The following PPP1R12B variants were observed in gnomAD, a reference collection of about 807,000 sequenced individuals.
The protein encoded by PPP1R12B is myosin phosphatase target subunit 2.
A neutral mutation model predicts 126.1 loss-of-function variants in PPP1R12B; 76 were observed. The observed-to-expected ratio is 0.60, with a 90% CI of 0.50 to 0.73. The LOEUF (loss-of-function observed/expected upper bound fraction) is 0.73, where lower values mean the gene tolerates loss of function less well. Among genes scored for constraint, PPP1R12B ranks in the 30% least tolerant of loss-of-function variants. The pLI is 0.00. For synonymous variants in PPP1R12B, 356 were observed against 434.7 expected (o/e 0.82, Z 2.25); for missense variants, 1,052 against 1,205.1 (o/e 0.87, Z 1.88).
chr1:202,375,287 T>A (rs918010665), intron 1 of PPP1R12B, among the ~76,000 whole-genome samples: 1 of 152,240 alleles, frequency 6.6e-6, no homozygotes, highest in African/African-American at 2.4e-5. Context: ...ACCTGAATAT[T>A]TCACACCTTT....
chr1:202,511,702 T>C (rs1241192379), intron 18 of PPP1R12B, among the ~76,000 whole-genome samples: 1 of 152,102 alleles, frequency 6.6e-6, no homozygotes, highest in African/African-American at 2.4e-5. Flanking sequence ...TCCATCCAAT[T>C]TGCTATGAAT....
intron 1 of PPP1R12B, among the ~76,000 whole-genome samples, chr1:202,402,223 A>G (rs998632972): frequency 1.1e-4 from 16 of 152,076 alleles, no homozygotes; most frequent in African/African-American, 3.9e-4. Flanking sequence ...CCTTTTTGCT[A>G]TTCCTGATCT....
At chr1:202,426,706 G>C (rs1214007770) in intron 4 of PPP1R12B, among the ~76,000 whole-genome samples, 3 of 152,160 alleles carry the variant, frequency 2.0e-5, no homozygotes, top group Non-Finnish European at 4.4e-5. Context: ...AATGGAAAAT[G>C]TACCTTTAAC....
chr1:202,545,783 A>G (rs571179551), intron 18 of PPP1R12B, among the ~76,000 whole-genome samples: 17 of 152,360 alleles, frequency 1.1e-4, no homozygotes, highest in Non-Finnish European at 2.4e-4. Flanking sequence ...CTAGATGGAC[A>G]AAGAAGGAAA....
intron 1 of PPP1R12B, among the ~76,000 whole-genome samples, chr1:202,401,457 A>G (rs1272823840): frequency 1.6e-5 from 2 of 127,090 alleles, no homozygotes; most frequent in Non-Finnish European, 3.1e-5. Context: ...CAATTCATTC[A>G]CCTTGGTCTC....
chr1:202,511,771 A>ATT lies in PPP1R12B; in HGVS notation c.2490+14970_2490+14971dup, dbSNP rs772556181. 1.1e-3 allele frequency among the ~76,000 whole-genome samples: 124 copies of ATT among 107,836 alleles called. 1 individual carries two copies. The highest frequency in any genetic ancestry group is 2.5e-3 in the African/African-American group (69 of 28,114). 70.7% of individuals were successfully genotyped at this position (107,836 alleles called of 152,430 possible). A position where few individuals can be genotyped will look rare whatever the true frequency, so the allele number is the denominator to read the frequency against. Reference sequence around the variant, plus strand: ...TATTCCATGATGTATATATACCACAATTTTTTTTTTTTTTTTTTTTTTGAG... The same window carrying ATT: ...TATTCCATGATGTATATATACCACAATTTTTTTTTTTTTTTTTTTTTTTTGAG... On this transcript the variant is annotated intron_variant, in intron 18 of 23. Coordinates refer to ENST00000608999, the MANE Select transcript of PPP1R12B (RefSeq NM_002481.4).
At chr1:202,567,068 T>C (rs1268036592) in intron 21 of PPP1R12B, among the ~76,000 whole-genome samples, 1 of 152,222 alleles carries the variant, frequency 6.6e-6, no homozygotes, top group African/African-American at 2.4e-5. Flanking sequence ...TTTCAGCCCC[T>C]CTGCAAAATT....
chr1:202,443,416 C>A (rs1368426568), intron 12 of PPP1R12B, among the ~76,000 whole-genome samples: 1 of 152,222 alleles, frequency 6.6e-6, no homozygotes, highest in East Asian at 1.9e-4. Context: ...ACTAGATGAA[C>A]ACATTAACTC....
At chr1:202,517,556 CAATT>C (rs1682296714) in intron 18 of PPP1R12B, among the ~76,000 whole-genome samples, 1 of 151,778 alleles carries the variant, frequency 6.6e-6, no homozygotes, top group South Asian at 2.1e-4. Context: ...TCAAAATAGA[CAATT>C]AACATGCATA....
chr1:202,390,936 C>A (rs1664052281), intron 1 of PPP1R12B, among the ~76,000 whole-genome samples: 2 of 152,166 alleles, frequency 1.3e-5, no homozygotes, highest in African/African-American at 4.8e-5. Flanking sequence ...TAGTGGCACA[C>A]ACCTGTAGTC....
intron 18 of PPP1R12B, among the ~76,000 whole-genome samples, chr1:202,538,686 G>A (rs1377915302): frequency 6.6e-6 from 1 of 152,164 alleles, no homozygotes; most frequent in Non-Finnish European, 1.5e-5. Flanking sequence ...AAAACATTTG[G>A]CCTAGAAATT....
chr1:202,484,507 G>A lies in PPP1R12B; in HGVS notation c.1851-4026G>A, dbSNP rs1486548923. ...CTTTAAACCTTCGTACTAGAGGACT[G>A]AGAGACTTACATAGCACCATTAAAT... On this transcript the variant is annotated intron_variant, in intron 13 of 23. Coordinates refer to ENST00000608999, the MANE Select transcript of PPP1R12B (RefSeq NM_002481.4). Among the ~76,000 whole-genome samples the A allele has an allele frequency of 1.3e-5, 2 of 152,222 alleles. 1 individual carries two copies. The highest frequency in any genetic ancestry group is 2.9e-5 in the Non-Finnish European group (2 of 68,036).
chr1:202,495,714 A>T (rs3817227), intron 17 of PPP1R12B, 32 bp downstream of exon 17: 1 of 1,560,780 alleles, frequency 6.4e-7, no homozygotes, highest in South Asian at 1.1e-5. Flanking sequence ...GAGGCATATC[A>T]TATTACTCTT....
chr1:202,386,871 A>G (rs2148508060), intron 1 of PPP1R12B, among the ~76,000 whole-genome samples: 1 of 152,274 alleles, frequency 6.6e-6, no homozygotes, highest in South Asian at 2.1e-4. Context: ...ACTTTGCCAA[A>G]CTGCAATTAA....
intron 12 of PPP1R12B, chr1:202,445,289 T>C (rs1672094303): frequency 1.7e-6 from 2 of 1,184,034 alleles, no homozygotes; most frequent in African/African-American, 3.2e-5. Context: ...TGAAAACACA[T>C]ATGAAATTTG....
intron 9 of PPP1R12B, among the ~76,000 whole-genome samples, chr1:202,435,231 C>G (rs1401097156): frequency 6.6e-6 from 1 of 152,126 alleles, no homozygotes; most frequent in East Asian, 1.9e-4. Context: ...TTTTGGAGGA[C>G]ACAAACATTC....
At chr1:202,367,836 C>T (rs765544078) in intron 1 of PPP1R12B, among the ~76,000 whole-genome samples, 8 of 152,024 alleles carry the variant, frequency 5.3e-5, no homozygotes, top group Non-Finnish European at 1.0e-4. Flanking sequence ...CCCCGCAAAT[C>T]TCATGTTGAG....
intron 23 of PPP1R12B, among the ~76,000 whole-genome samples, chr1:202,569,969 G>T (rs59883774): frequency 2.6e-5 from 4 of 152,306 alleles, no homozygotes; most frequent in Non-Finnish European, 4.4e-5. Context: ...GGTGAAAGGG[G>T]CAAGATGGAT....
intron 1 of PPP1R12B, among the ~76,000 whole-genome samples, chr1:202,356,164 G>A (rs1455715933): frequency 6.6e-6 from 1 of 152,170 alleles, no homozygotes; most frequent in Non-Finnish European, 1.5e-5. Context: ...CTGGGTGACA[G>A]AGCAGAGCAA....
Sources: allele counts gnomAD v4.1 joint callset (sites outside exome capture counted in the v4.1 genomes callset), GRCh38; gene constraint gnomAD v4.1.1; transcripts MANE v1.5; gene names NCBI Gene and HGNC (gene_info 2026-07-23, HGNC 2026-07-21).